CNOT2: variants seen among roughly 807,000 people sequenced by gnomAD.
CNOT2 encodes the protein CCR4-NOT transcription complex subunit 2.
Under a neutral mutation model 72.1 loss-of-function variants are expected in CNOT2, and 7 were observed. The observed-to-expected ratio is 0.10, with a 90% CI of 0.06 to 0.18. The LOEUF is 0.18. Ranked by LOEUF, CNOT2 falls within the 10% of genes least tolerant of loss-of-function variation. CNOT2 has a pLI of 1.00. For missense variants in CNOT2, 345 were observed against 660.3 expected, an observed-to-expected ratio of 0.52 and a Z score of 5.23; for synonymous variants, 196 against 225.6, an observed-to-expected ratio of 0.87 and a Z score of 1.17.
intron 1 of CNOT2, among the ~76,000 whole-genome samples, chr12:70,271,092 G>C (rs370019881): frequency 1.8e-4 from 28 of 152,234 alleles, no homozygotes; most frequent in African/African-American, 6.0e-4. Context: ...TAATTCCAGG[G>C]TCAGATTCTT....
rs1880844485 is a variant in CNOT2 at position 70,337,344 on chromosome 12, T to C, written c.776-45T>C. 9 of 1,534,720 alleles carry C rather than the reference T, an allele frequency of 5.9e-6. No homozygotes were observed. The East Asian group carries it at 2.0e-4, about 35-fold the overall frequency. Reference sequence around the variant, plus strand: ...TAACTTTATAATCTGTAGCAAAATATCATAAATATCAATTGCAATTCTCCG... The same window carrying C: ...TAACTTTATAATCTGTAGCAAAATACCATAAATATCAATTGCAATTCTCCG... On this transcript the variant is annotated intron_variant, in intron 8 of 15. Transcript: ENST00000229195.
intron 15 of CNOT2, 73 bp from the exon 16 acceptor site, chr12:70,353,756 A>G (rs981243005): frequency 5.1e-6 from 8 of 1,571,010 alleles, no homozygotes; most frequent in Non-Finnish European, 6.9e-6. Flanking sequence ...ATTTATTTTT[A>G]TAGTAAAATG....
At chr12:70,243,255 G>A (rs1364249479), upstream of CNOT2, 1 of 152,670 alleles carries the variant, frequency 6.6e-6, no homozygotes, top group East Asian at 1.9e-4. Flanking sequence ...CGGTAGGGAA[G>A]TGAAGCGCCT....
intron 1 of CNOT2, among the ~76,000 whole-genome samples, chr12:70,262,774 A>G (rs1390661828): frequency 2.0e-5 from 3 of 151,128 alleles, no homozygotes; most frequent in African/African-American, 7.3e-5. Context: ...CCCGGGTTCA[A>G]GCACTTCCCC....
intron 1 of CNOT2, among the ~76,000 whole-genome samples, chr12:70,247,261 T>C (rs1022487449): frequency 5.0e-4 from 76 of 151,592 alleles, no homozygotes; most frequent in African/African-American, 1.7e-3. Flanking sequence ...GCCTCCCGGG[T>C]TCAAGCGGTT....
At chr12:70,314,837 CTTGT>C (rs112288569) in intron 3 of CNOT2, among the ~76,000 whole-genome samples, 27,294 of 150,914 alleles carry the variant, frequency 0.18, 2,844 homozygotes, top group Admixed American at 0.33. Flanking sequence ...CTCTTTTGTT[CTTGT>C]TTGTTTGTTT....
chr12:70,334,924 A>G (rs528616260), intron 7 of CNOT2: 6 of 153,920 alleles, frequency 3.9e-5, no homozygotes, highest in African/African-American at 1.4e-4. Flanking sequence ...ACGTTTGTAT[A>G]TGAAAGCGGT....
At chr12:70,313,148 C>T (rs1050171770) in intron 3 of CNOT2, among the ~76,000 whole-genome samples, 4 of 151,974 alleles carry the variant, frequency 2.6e-5, no homozygotes, top group Non-Finnish European at 5.9e-5. Flanking sequence ...ATTTTACACA[C>T]ACACAGTGTG....
intron 1 of CNOT2, among the ~76,000 whole-genome samples, chr12:70,263,391 T>A (rs1167144569): frequency 3.3e-5 from 5 of 152,204 alleles, no homozygotes; most frequent in Admixed American, 6.5e-5. Context: ...TCACATTTTT[T>A]AATTAATTTT....
chr12:70,256,614 C>G (rs1958458910), intron 1 of CNOT2, among the ~76,000 whole-genome samples: 1 of 142,104 alleles, frequency 7.0e-6, no homozygotes, highest in Non-Finnish European at 1.5e-5. Context: ...GTGGTAATAG[C>G]ATATACTTAT....
At chr12:70,337,544 A>G (rs1277392789) in intron 9 of CNOT2, 31 bp downstream of exon 9, 5 of 1,601,940 alleles carry the variant, frequency 3.1e-6, no homozygotes, top group Non-Finnish European at 4.3e-6. Context: ...TATGTGAGTG[A>G]TGTAGTTTTT....
intron 2 of CNOT2, among the ~76,000 whole-genome samples, chr12:70,302,665 T>G (rs1874275622): frequency 6.6e-6 from 1 of 152,234 alleles, no homozygotes. Flanking sequence ...ATAGGTGTGG[T>G]GTGGTGCTGA....
chr12:70,272,038 A>G (rs1959301259), intron 1 of CNOT2, among the ~76,000 whole-genome samples: 1 of 152,238 alleles, frequency 6.6e-6, no homozygotes, highest in African/African-American at 2.4e-5. Flanking sequence ...GGCAGGAACT[A>G]ACTTTTAAAA....
At chr12:70,319,714 G>C (rs1196183330) in intron 4 of CNOT2, among the ~76,000 whole-genome samples, 2 of 148,338 alleles carry the variant, frequency 1.3e-5, no homozygotes, top group Admixed American at 1.4e-4. Flanking sequence ...TATTTGACTG[G>C]CTACTCTGTG....
chr12:70,252,136 A>G (rs1958169092), intron 1 of CNOT2, among the ~76,000 whole-genome samples: 1 of 152,192 alleles, frequency 6.6e-6, no homozygotes, highest in African/African-American at 2.4e-5. Flanking sequence ...TTTTAAAGAG[A>G]AAGAATTGCT....
chr12:70,339,859 A>G (rs1475050194), intron 11 of CNOT2, among the ~76,000 whole-genome samples: 1 of 152,126 alleles, frequency 6.6e-6, no homozygotes, highest in Non-Finnish European at 1.5e-5. Context: ...AACAAATCTG[A>G]CTACCTACAG....
At chr12:70,338,858 T>G (rs1881057792) in intron 11 of CNOT2, 36 bp downstream of exon 11, 1 of 1,556,196 alleles carries the variant, frequency 6.4e-7, no homozygotes, top group East Asian at 2.3e-5. Context: ...CTGTATATAA[T>G]ACCTCTTCAG....
At chr12:70,254,220 A>G (rs1240213550) in intron 1 of CNOT2, among the ~76,000 whole-genome samples, 1 of 144,568 alleles carries the variant, frequency 6.9e-6, no homozygotes, top group Non-Finnish European at 1.5e-5. Flanking sequence ...CCTGGGGGAC[A>G]GAGCGAGACT....
chr12:70,265,128 G>A (rs982003629), intron 1 of CNOT2, among the ~76,000 whole-genome samples: 1 of 151,830 alleles, frequency 6.6e-6, no homozygotes, highest in African/African-American at 2.4e-5. Flanking sequence ...CTTGTTTTTA[G>A]TTTTGGTATC....
Sources: gnomAD v4.1 joint callset for allele counts (sites outside exome capture counted in the v4.1 genomes callset) on GRCh38, gnomAD v4.1.1 for gene constraint, MANE v1.5 for transcripts, NCBI Gene and HGNC (gene_info 2026-07-23, HGNC 2026-07-21) for gene names.